The following SCRN1 variants were observed in gnomAD, a reference collection of about 807,000 sequenced individuals.
SCRN1 encodes secernin-1.
In SCRN1, 19 loss-of-function variants were observed where a neutral mutation model predicts 43.3. That is an observed-to-expected ratio of 0.44 (90% CI 0.31 to 0.64). SCRN1 has a LOEUF of 0.64. SCRN1 is among the 30% of genes least tolerant of loss of function. SCRN1 has a pLI of 0.09. For missense variants in SCRN1, 447 were observed against 524.1 expected (o/e 0.85, Z 1.44); for synonymous variants, 183 against 188.9 (o/e 0.97, Z 0.26).
intron 2 of SCRN1, among the ~76,000 whole-genome samples, chr7:29,957,208 T>C (rs1788164214): frequency 6.6e-6 from 1 of 152,264 alleles, no homozygotes; most frequent in Non-Finnish European, 1.5e-5. Context: ...ACCAACTACA[T>C]GCAAAGCATT....
In SCRN1 at chr7:29,940,781, A is replaced by G; in HGVS notation, c.640T>C (p.Trp214Arg). Residue 214 changes from tryptophan (W) to arginine (R), a missense_variant, in exon 5 of 8, where the codon TGG (tryptophan) becomes CGG (arginine). Trp to Arg is a moderately radical substitution (Grantham distance 101). Transcript: ENST00000242059. Reference protein sequence around the residue: ...LRSYAQSQGWWTGEGEFNFSE... With the variant: ...LRSYAQSQGWRTGEGEFNFSE... The stretch of plus-strand genomic sequence containing the variant: ...AAATTGAACTCGCCCTCTCCCGTCC[A>G]CCAACCTTGGCTCTGAGCGTAACTC... The G allele has an allele frequency of 6.2e-7, 1 of 1,610,618 alleles. No individual in the cohort carries two copies. Among genetic ancestry groups the G allele is most frequent in the Non-Finnish European group, 8.5e-7 (1 of 1,179,132 alleles).
intron 6 of SCRN1, among the ~76,000 whole-genome samples, chr7:29,927,713 G>A (rs17158509): frequency 0.02 from 3,100 of 152,270 alleles, 48 homozygotes; most frequent in East Asian, 0.067. Context: ...GGCCCACCTC[G>A]GGTACCTCAA....
rs1356041752 is a variant in SCRN1 at position 29,965,714 on chromosome 7, T to C, written c.159+3195A>G. ...GCTGCCTTAGAGGCTAATTATGGTA[T>C]ATATCACACTATACTTATGTATGGA... On this transcript the variant is annotated intron_variant, in intron 2 of 7. Coordinates refer to ENST00000242059, the MANE Select transcript of SCRN1 (RefSeq NM_014766.5). This position sits in a 1 kb window ranked among gnomAD's most constrained non-coding sequence, Gnocchi z 4.2. Among the ~76,000 whole-genome samples, 1 of 152,112 alleles carries C rather than the reference T, an allele frequency of 6.6e-6. No individual in the cohort carries two copies. Among genetic ancestry groups the C allele is most frequent in the Non-Finnish European group, 1.5e-5 (1 of 68,032 alleles).
intron 6 of SCRN1, among the ~76,000 whole-genome samples, chr7:29,928,996 A>G (rs955798251): frequency 2.0e-5 from 3 of 152,308 alleles, no homozygotes; most frequent in African/African-American, 7.2e-5. Context: ...GAGCACGCCT[A>G]GCCATCCACA....
chr7:29,979,595 G>T (rs1788938797), intron 1 of SCRN1, among the ~76,000 whole-genome samples: 1 of 152,142 alleles, frequency 6.6e-6, no homozygotes, highest in Non-Finnish European at 1.5e-5. Flanking sequence ...AGGACCACCT[G>T]CAAGAACTCC....
At chr7:29,974,924 C>T (rs1229994086) in intron 1 of SCRN1, among the ~76,000 whole-genome samples, 3 of 152,090 alleles carry the variant, frequency 2.0e-5, no homozygotes, top group Non-Finnish European at 4.4e-5. Flanking sequence ...CATCGTGATC[C>T]GTCTGCCTTG....
At chr7:29,941,905 G>C (rs1197790710) in intron 4 of SCRN1, among the ~76,000 whole-genome samples, 1 of 152,208 alleles carries the variant, frequency 6.6e-6, no homozygotes, top group East Asian at 1.9e-4. Flanking sequence ...AGAATGAAGT[G>C]ACATAAAGAA....
chr7:29,936,861 A>G, intron 5 of SCRN1, 140 bp from the exon 6 acceptor site: 2 of 494,600 alleles, frequency 4.0e-6, no homozygotes, highest in Non-Finnish European at 6.4e-6. Context: ...CCTGCATAAC[A>G]CGGTGAAACC....
chr7:29,977,879 A>G (rs1052974272), intron 1 of SCRN1, among the ~76,000 whole-genome samples: 3 of 152,224 alleles, frequency 2.0e-5, no homozygotes, highest in African/African-American at 7.2e-5. Context: ...AGTGCTCAGA[A>G]TACCATTTGG....
At chr7:29,984,204 CAAAA>C (rs55733700) in intron 1 of SCRN1, among the ~76,000 whole-genome samples, 17 of 98,254 alleles carry the variant, frequency 1.7e-4, no homozygotes, top group African/African-American at 4.9e-4. Context: ...AGACAGTCTC[CAAAA>C]AAAAAAAAAA....
upstream of SCRN1, chr7:29,989,806 C>G: frequency 1.0e-6 from 1 of 989,634 alleles, no homozygotes; most frequent in Non-Finnish European, 1.2e-6. Context: ...AGACTCCCGG[C>G]GCTGGGGCCC....
intron 1 of SCRN1, among the ~76,000 whole-genome samples, chr7:29,987,551 G>C (rs1457750383): frequency 1.3e-5 from 2 of 152,168 alleles, no homozygotes; most frequent in African/African-American, 4.8e-5. Flanking sequence ...CTTAACTATA[G>C]AAACAGTTTC....
At chr7:29,946,354 G>A (rs1355370378) in intron 3 of SCRN1, among the ~76,000 whole-genome samples, 1 of 152,172 alleles carries the variant, frequency 6.6e-6, no homozygotes, top group Non-Finnish European at 1.5e-5. Context: ...GTACACACTC[G>A]AAGGCCTCCT....
chr7:29,982,669 C>A (rs1318546641), intron 1 of SCRN1, among the ~76,000 whole-genome samples: 1 of 113,154 alleles, frequency 8.8e-6, no homozygotes, highest in Non-Finnish European at 1.7e-5. Context: ...GACAACAGAG[C>A]GAGACCCTGT....
intron 1 of SCRN1, among the ~76,000 whole-genome samples, chr7:29,983,887 C>G (rs1354839790): frequency 6.6e-6 from 1 of 152,030 alleles, no homozygotes; most frequent in African/African-American, 2.4e-5. Flanking sequence ...CTGACTATAA[C>G]AGGATGGGGA....
chr7:29,976,942 G>A (rs1297402133), intron 1 of SCRN1, among the ~76,000 whole-genome samples: 4 of 152,206 alleles, frequency 2.6e-5, no homozygotes, highest in Non-Finnish European at 1.5e-5. Context: ...GAAGCTGTGT[G>A]GGAGAAAAGG....
At chr7:29,980,590 T>TA (rs1562824106) in intron 1 of SCRN1, among the ~76,000 whole-genome samples, 1 of 152,170 alleles carries the variant, frequency 6.6e-6, no homozygotes, top group Non-Finnish European at 1.5e-5. Flanking sequence ...TCTCCATCAC[T>TA]AAAAAATTAG....
chr7:29,953,468 C>G (rs2128093536), intron 3 of SCRN1, among the ~76,000 whole-genome samples: 2 of 152,086 alleles, frequency 1.3e-5, no homozygotes, highest in South Asian at 4.2e-4. Flanking sequence ...GGTAATTTTG[C>G]CTGTTCTATA....
intron 1 of SCRN1, among the ~76,000 whole-genome samples, chr7:29,981,456 T>C (rs1212040269): frequency 6.6e-6 from 1 of 152,224 alleles, no homozygotes; most frequent in East Asian, 1.9e-4. Context: ...TGATCAGAAA[T>C]GTTTATGAGA....
Sources: gnomAD v4.1 joint callset for allele counts (sites outside exome capture counted in the v4.1 genomes callset) on GRCh38, gnomAD v4.1.1 for gene constraint, Gnocchi (gnomAD v3.1) non-coding constraint, MANE v1.5 for transcripts, NCBI Gene and HGNC (gene_info 2026-07-23, HGNC 2026-07-21) for gene names.